NPLOC4: variants seen among roughly 807,000 people sequenced by gnomAD.
NPLOC4 encodes NPL4 homolog, ubiquitin recognition factor.
Under a neutral mutation model 80.6 loss-of-function variants are expected in NPLOC4, and 18 were observed. The ratio of observed to expected loss-of-function variants is 0.22; its 90% CI spans 0.15 to 0.33. The LOEUF (loss-of-function observed/expected upper bound fraction) is 0.33, where lower values mean the gene tolerates loss of function less well. Ranked by LOEUF, NPLOC4 falls within the 10% of genes least tolerant of loss-of-function variation. The pLI is 1.00. For missense variants in NPLOC4, 540 were observed against 786.1 expected, an observed-to-expected ratio of 0.69 and a Z score of 3.74; for synonymous variants, 313 against 301.5, an observed-to-expected ratio of 1.04 and a Z score of -0.39.
Position 81,577,848 on chromosome 17 carries a change from C to T in NPLOC4, c.1282-5760G>A, listed in dbSNP as rs1362429395. ...CTCAGTCCCAGCACACCATCCTTGT[C>T]CCCAAGGCCACAGGGAACTGACATG... On this transcript the variant is annotated intron_variant, in intron 12 of 16. Transcript: ENST00000331134. This position sits in a 1 kb window ranked among gnomAD's most constrained non-coding sequence, Gnocchi z 4.3. Among the ~76,000 whole-genome samples, 1 of 152,198 alleles carries T rather than the reference C, an allele frequency of 6.6e-6. No individual in the cohort carries two copies. Among genetic ancestry groups the T allele is most frequent in the African/African-American group, 2.4e-5 (1 of 41,460 alleles).
Position 81,618,176 on chromosome 17 carries a change from G to A in NPLOC4, c.209+3990C>T, listed in dbSNP as rs545138850. 9.0e-3 allele frequency among the ~76,000 whole-genome samples: 1,357 copies of A among 151,122 alleles called. 8 individuals carry two copies. The highest frequency in any genetic ancestry group is 0.034 in the Middle Eastern group (10 of 294). The stretch of plus-strand genomic sequence containing the variant: ...CTGCCCAGTCTGGAAAGTGAGGAGC[G>A]TCTCTGCCCGGCCGCCATCCCATCT... On this transcript the variant is annotated intron_variant, in intron 3 of 16. Coordinates refer to ENST00000331134, the MANE Select transcript of NPLOC4 (RefSeq NM_017921.4).
intron 1 of NPLOC4, 35 bp from the exon 2 acceptor site, chr17:81,629,840 C>A (rs770841908): frequency 7.4e-6 from 11 of 1,479,222 alleles, no homozygotes; most frequent in Non-Finnish European, 8.5e-6. Context: ...TACTGCACAG[C>A]CTAGTGAGGT....
In NPLOC4 at chr17:81,556,995, C is replaced by G. The variant is rs1186998603; in HGVS notation, c.*2264G>C. 1 of 152,804 alleles carries G rather than the reference C, an allele frequency of 6.5e-6. No homozygotes were observed. The highest frequency in any genetic ancestry group is 1.5e-5 in the Non-Finnish European group (1 of 68,264). 9.5% of individuals were successfully genotyped at this position (152,804 alleles called of 1,614,324 possible). A position where few individuals can be genotyped will look rare whatever the true frequency, so the allele number is the denominator to read the frequency against. On this transcript the variant is annotated 3_prime_UTR_variant, in exon 17 of 17. Transcript: ENST00000331134. ...AGCCGAAACAGAGCCGAAGCAGGAGCACCTGTGTCCCAGGAGCAGCTGGTT... is the reference window on the plus strand; with the variant it reads ...AGCCGAAACAGAGCCGAAGCAGGAGGACCTGTGTCCCAGGAGCAGCTGGTT...
intron 3 of NPLOC4, among the ~76,000 whole-genome samples, chr17:81,616,787 T>C (rs760872200): frequency 1.2e-4 from 18 of 151,264 alleles, no homozygotes; most frequent in Middle Eastern, 3.4e-3. Flanking sequence ...AGAGACATAA[T>C]TAACAGAGAG....
intron 12 of NPLOC4, among the ~76,000 whole-genome samples, chr17:81,587,578 G>C (rs1048226692): frequency 6.9e-6 from 1 of 144,454 alleles, no homozygotes; most frequent in African/African-American, 2.6e-5. Context: ...GCCTCCGAAA[G>C]GGCTGGGATT....
intron 12 of NPLOC4, among the ~76,000 whole-genome samples, chr17:81,579,022 G>C (rs2034370727): frequency 6.6e-6 from 1 of 152,246 alleles, no homozygotes; most frequent in Non-Finnish European, 1.5e-5. Flanking sequence ...CTGGGCTCAA[G>C]CGATCCTCCT....
intron 8 of NPLOC4, among the ~76,000 whole-genome samples, chr17:81,601,804 G>A (rs1027682289): frequency 6.6e-5 from 10 of 152,080 alleles, no homozygotes; most frequent in Non-Finnish European, 1.0e-4. Flanking sequence ...CTGAAAATCC[G>A]TATAAATACA....
At chr17:81,607,336 T>C (rs913787326) in intron 6 of NPLOC4, among the ~76,000 whole-genome samples, 2 of 149,900 alleles carry the variant, frequency 1.3e-5, no homozygotes, top group Admixed American at 6.7e-5. Flanking sequence ...AATGAGAAAA[T>C]CCTGGACCCT....
rs566282485 is a variant in NPLOC4, at chr17:81,619,233, C to T, written c.209+2933G>A. Among the ~76,000 whole-genome samples, 1,338 of 151,362 alleles carry T rather than the reference C, an allele frequency of 8.8e-3. 8 individuals are homozygous for T. Among genetic ancestry groups the T allele is most frequent in the Middle Eastern group, 0.034 (10 of 294 alleles). ...AAAAAAAAAAACACAAAAAATTAGC[C>T]GGGCATGTTGGCGGGCGCCTGTAGT... On this transcript the variant is annotated intron_variant, in intron 3 of 16. Transcript: ENST00000331134.
At chr17:81,604,859 G>A (rs535183808) in intron 7 of NPLOC4, 132 bp from the exon 8 acceptor site, 14 of 793,064 alleles carry the variant, frequency 1.8e-5, no homozygotes, top group East Asian at 1.6e-4. Context: ...GTGTGATGGT[G>A]CATGCCTGTG....
At position 81,597,319 on chromosome 17, in the gene NPLOC4, T is replaced by TA; in HGVS notation, c.922-4dup. On this transcript the variant is annotated splice_polypyrimidine_tract_variant and splice_region_variant and intron_variant, in intron 9 of 16. Transcript: ENST00000331134. The stretch of plus-strand genomic sequence containing the variant: ...AGGTCTGTAAATATCCAGCCAACCT[T>TA]AAAAAAAGGAAAGTAGCTTTTAAAC... 1 of 1,611,982 alleles carries TA rather than the reference T, an allele frequency of 6.2e-7. No homozygotes were observed. Among genetic ancestry groups the TA allele is most frequent in the Non-Finnish European group, 8.5e-7 (1 of 1,178,316 alleles).
chr17:81,628,138 G>A (rs2035844597), intron 2 of NPLOC4, among the ~76,000 whole-genome samples: 2 of 151,786 alleles, frequency 1.3e-5, no homozygotes, highest in Middle Eastern at 3.4e-3. Flanking sequence ...GTGAACCCGG[G>A]AGGCGGAGCT....
intron 7 of NPLOC4, among the ~76,000 whole-genome samples, chr17:81,605,459 T>C (rs531452712): frequency 6.6e-6 from 1 of 150,722 alleles, no homozygotes; most frequent in Admixed American, 6.6e-5. Context: ...CAAAAATTAT[T>C]CAATACAGTG....
At chr17:81,624,705 G>C (rs1294515297) in intron 2 of NPLOC4, among the ~76,000 whole-genome samples, 4 of 152,232 alleles carry the variant, frequency 2.6e-5, no homozygotes, top group African/African-American at 9.6e-5. Flanking sequence ...CGACAGAAAA[G>C]GAAAAGAAAC....
intron 9 of NPLOC4, among the ~76,000 whole-genome samples, chr17:81,597,523 G>A (rs527946769): frequency 6.6e-6 from 1 of 152,066 alleles, no homozygotes; most frequent in African/African-American, 2.4e-5. Context: ...GGTGGCTCAC[G>A]CCTGTAATCC....
At chr17:81,563,709 G>A (rs2033920779) in intron 16 of NPLOC4, 1 of 311,798 alleles carries the variant, frequency 3.2e-6, no homozygotes, top group African/African-American at 2.3e-5. Flanking sequence ...TGAGGCCAAA[G>A]TTTGAGACCA....
intron 12 of NPLOC4, among the ~76,000 whole-genome samples, chr17:81,576,464 C>T (rs2034304114): frequency 1.3e-5 from 2 of 152,072 alleles, no homozygotes; most frequent in African/African-American, 4.8e-5. Flanking sequence ...CACTTTGGGG[C>T]GTGAGTGCAT....
At chr17:81,600,213 A>G in intron 9 of NPLOC4, 128 bp downstream of exon 9, 1 of 675,690 alleles carries the variant, frequency 1.5e-6, no homozygotes, top group Non-Finnish European at 2.7e-6. Flanking sequence ...TAGTGCCTGC[A>G]CCTGACCTTG....
At chr17:81,564,110 AC>A in intron 16 of NPLOC4, 2 of 325,100 alleles carry the variant, frequency 6.2e-6, no homozygotes, top group Non-Finnish European at 1.2e-5. Context: ...ACACACACAC[AC>A]ACACACAAAG....
Sources: gnomAD v4.1 joint callset for allele counts (sites outside exome capture counted in the v4.1 genomes callset) on GRCh38, gnomAD v4.1.1 for gene constraint, Gnocchi (gnomAD v3.1) non-coding constraint, MANE v1.5 for transcripts, NCBI Gene and HGNC (gene_info 2026-07-23, HGNC 2026-07-21) for gene names.